The following SMC3 variants were observed in gnomAD, a reference collection of about 807,000 sequenced individuals.
SMC3 encodes the protein structural maintenance of chromosomes 3.
SMC3 carries 20 observed loss-of-function variants against 171.8 expected under a neutral mutation model. The observed-to-expected ratio is 0.12, with a 90% confidence interval of 0.08 to 0.17. The LOEUF is 0.17. Ranked by LOEUF, SMC3 falls within the 10% of genes least tolerant of loss-of-function variation. SMC3 has a pLI of 1.00. For synonymous variants in SMC3, 464 were observed against 451.1 expected (o/e 1.03, Z -0.36); for missense variants, 543 against 1,420.4 (o/e 0.38, Z 9.93).
At chr10:110,597,116 C>T (rs1861312170) in intron 19 of SMC3, among the ~76,000 whole-genome samples, 2 of 145,742 alleles carry the variant, frequency 1.4e-5, no homozygotes, top group Admixed American at 1.4e-4. Flanking sequence ...TGCACTCCAG[C>T]CTGGGTGACA....
chr10:110,595,914 G>GGTCTTTTTTTTTTTTTTT (rs1554883661), intron 18 of SMC3, among the ~76,000 whole-genome samples: 1 of 28,854 alleles, frequency 3.5e-5, no homozygotes, highest in Non-Finnish European at 7.3e-5. Flanking sequence ...TCAACTGGAG[G>GGTCTTTTTTTTTTTTTTT]TTCTTTTTTT....
chr10:110,576,375 A>C (rs140089170), intron 4 of SMC3, among the ~76,000 whole-genome samples: 1 of 152,198 alleles, frequency 6.6e-6, no homozygotes, highest in African/African-American at 2.4e-5. Context: ...TTTGTAATGC[A>C]TAAGCACGAT....
At chr10:110,593,255 A>C (rs768268810) in intron 18 of SMC3, 32 bp downstream of exon 18, 2 of 1,599,214 alleles carry the variant, frequency 1.3e-6, no homozygotes, top group Admixed American at 3.3e-5. Context: ...CTTTAAACAG[A>C]TAAATTCTAA....
At chr10:110,568,433 A>C (rs1437171659) in intron 1 of SMC3, 1 of 166,270 alleles carries the variant, frequency 6.0e-6, no homozygotes, top group Non-Finnish European at 1.3e-5. Context: ...CCCGCGCGGG[A>C]CTCCACCACA....
At chr10:110,599,134 A>G (rs986567784) in intron 20 of SMC3, among the ~76,000 whole-genome samples, 10 of 151,678 alleles carry the variant, frequency 6.6e-5, no homozygotes, top group Admixed American at 3.9e-4. Context: ...GTCTCGCCCT[A>G]TCGCCCAGGC....
At chr10:110,581,631 T>C (rs563047017) in intron 8 of SMC3, among the ~76,000 whole-genome samples, 1 of 152,354 alleles carries the variant, frequency 6.6e-6, no homozygotes, top group South Asian at 2.1e-4. Context: ...ATAAAGGATC[T>C]TAACCCATTT....
chr10:110,584,884 C>G (rs910528175), intron 13 of SMC3, among the ~76,000 whole-genome samples: 2 of 152,210 alleles, frequency 1.3e-5, no homozygotes, highest in Non-Finnish European at 2.9e-5. Context: ...CTTGGCCTCC[C>G]AAAGTGGTGG....
intron 7 of SMC3, among the ~76,000 whole-genome samples, chr10:110,579,034 TTG>T (rs1454594620): frequency 1.3e-5 from 2 of 152,244 alleles, no homozygotes; most frequent in African/African-American, 4.8e-5. Context: ...AATTAATATT[TTG>T]TGTTACCTAA....
chr10:110,601,905 C>T, intron 24 of SMC3, 21 bp downstream of exon 24: 1 of 1,613,362 alleles, frequency 6.2e-7, no homozygotes, highest in Non-Finnish European at 8.5e-7. Context: ...AATTTGAAGT[C>T]TTGTTACAAA....
At chr10:110,571,671 C>T (rs1860875259) in intron 2 of SMC3, among the ~76,000 whole-genome samples, 1 of 152,174 alleles carries the variant, frequency 6.6e-6, no homozygotes. Context: ...CATTGATTGG[C>T]AGCCAAGGCC....
chr10:110,576,476 A>G (rs1186700313), intron 4 of SMC3, among the ~76,000 whole-genome samples: 1 of 152,224 alleles, frequency 6.6e-6, no homozygotes, highest in East Asian at 1.9e-4. Context: ...AAAAAATATG[A>G]GTAATGGACT....
At chr10:110,585,761 G>T (rs779624881) in intron 13 of SMC3, among the ~76,000 whole-genome samples, 1 of 151,388 alleles carries the variant, frequency 6.6e-6, no homozygotes, top group Non-Finnish European at 1.5e-5. Context: ...TAATATTTAT[G>T]TACTTATTAA....
chr10:110,585,398 T>C (rs1304127644), intron 13 of SMC3, among the ~76,000 whole-genome samples: 3 of 151,096 alleles, frequency 2.0e-5, no homozygotes, highest in Non-Finnish European at 2.9e-5. Flanking sequence ...CAAGCAATTC[T>C]CTGCCTCAGC....
intron 2 of SMC3, among the ~76,000 whole-genome samples, chr10:110,571,237 G>C (rs1860866658): frequency 6.6e-6 from 1 of 152,152 alleles, no homozygotes; most frequent in African/African-American, 2.4e-5. Flanking sequence ...GATTAGTCCT[G>C]GTTTCCTAGA....
chr10:110,569,185 T>A (rs777168266), intron 2 of SMC3, among the ~76,000 whole-genome samples, 172 bp downstream of exon 2: 58 of 152,278 alleles, frequency 3.8e-4, no homozygotes, highest in Admixed American at 1.7e-3. Context: ...CTTATTTTTA[T>A]AAACTTAAAA....
rs1381585229 is a variant in SMC3 at position 110,596,524 on chromosome 10, A to G, written c.2090A>G (p.Asn697Ser). ...EELGELEAKL[N>S]ENLRRNIERI... ...CTAGGTGAACTTGAAGCAAAGCTCAATGAAAACCTGCGCAGAAATATTGAA... is the reference window on the plus strand; with the variant it reads ...CTAGGTGAACTTGAAGCAAAGCTCAGTGAAAACCTGCGCAGAAATATTGAA... Residue 697 changes from asparagine (N) to serine (S), a missense_variant, in exon 19 of 29, where the codon AAT becomes AGT. By Grantham distance (46) the Asn-to-Ser change is conservative (BLOSUM62 1). Coordinates refer to ENST00000361804, the MANE Select transcript of SMC3 (RefSeq NM_005445.4). 6.2e-7 allele frequency: 1 copy of G among 1,613,966 alleles called. No individual in the cohort carries two copies. Among genetic ancestry groups the G allele is most frequent in the African/African-American group, 1.3e-5 (1 of 74,938 alleles).
Position 110,596,438 on chromosome 10 carries a change from T to C in SMC3, c.2004T>C (p.Tyr668=), listed in dbSNP as rs770129294. Residue 668 remains tyrosine, a synonymous_variant, in exon 19 of 29, where the codon TAT becomes TAC. Transcript: ENST00000361804. ...ATCGGGGTGCTCTAACTGGGGGTTA[T>C]TATGACACAAGGAAGTCTCGACTTG... The part of the protein sequence containing the change: ...VSHRGALTGG[Y]YDTRKSRLEL... 1.2e-5 allele frequency: 19 copies of C among 1,613,974 alleles called. No individual in the cohort carries two copies. The African/African-American group carries it at 1.9e-4, about 16-fold the overall frequency.
chr10:110,572,433 C>T (rs1022959995), intron 2 of SMC3, among the ~76,000 whole-genome samples: 7 of 152,090 alleles, frequency 4.6e-5, no homozygotes, highest in African/African-American at 1.7e-4. Context: ...TCTTTAGTCT[C>T]CTTTAATCTG....
intron 2 of SMC3, among the ~76,000 whole-genome samples, chr10:110,570,867 A>G (rs966801173): frequency 3.3e-5 from 5 of 152,240 alleles, no homozygotes; most frequent in African/African-American, 1.2e-4. Flanking sequence ...CATATTTTAA[A>G]ACCAGACACG....
Sources: gnomAD v4.1 joint callset for allele counts (sites outside exome capture counted in the v4.1 genomes callset) on GRCh38, gnomAD v4.1.1 for gene constraint, MANE v1.5 for transcripts, NCBI Gene and HGNC (gene_info 2026-07-23, HGNC 2026-07-21) for gene names.